HBS1L: variants seen among roughly 807,000 people sequenced by gnomAD.
HBS1L encodes HBS1 like translational GTPase, also known as HBS1-like protein.
HBS1L carries 55 observed loss-of-function variants against 88.9 expected under a neutral mutation model. The ratio of observed to expected loss-of-function variants is 0.62; its 90% confidence interval spans 0.50 to 0.77. The LOEUF (loss-of-function observed/expected upper bound fraction) is 0.77. Ranked by LOEUF, HBS1L falls within the 30% of genes least tolerant of loss-of-function variation. The pLI is 0.00. For missense variants in HBS1L, 741 were observed against 829.3 expected, an observed-to-expected ratio of 0.89 and a Z score of 1.31; for synonymous variants, 267 against 288.5, an observed-to-expected ratio of 0.93 and a Z score of 0.76.
intron 4 of HBS1L, among the ~76,000 whole-genome samples, chr6:135,019,437 C>CA (rs1472814481): frequency 6.6e-6 from 1 of 151,804 alleles, no homozygotes; most frequent in African/African-American, 2.4e-5. Context: ...GTTCTAGAAT[C>CA]AGAGATGATA....
intron 2 of HBS1L, among the ~76,000 whole-genome samples, chr6:135,049,808 GT>G (rs1163400940): frequency 6.6e-6 from 1 of 152,198 alleles, no homozygotes; most frequent in African/African-American, 2.4e-5. Flanking sequence ...CTGACCTCAG[GT>G]GATCCACCTG....
rs1363551441 is a variant in HBS1L at position 134,962,401 on chromosome 6, G to A, written c.*2878C>T. ...GCAGTTACCTTTAGGTGACAGAACTGTGGGTTAATTTTATTCTTCCCTATA... is the reference window on the plus strand; with the variant it reads ...GCAGTTACCTTTAGGTGACAGAACTATGGGTTAATTTTATTCTTCCCTATA... On this transcript the variant is annotated 3_prime_UTR_variant, in exon 18 of 18. Coordinates refer to ENST00000367837, the MANE Select transcript of HBS1L (RefSeq NM_006620.4). 1 of 152,156 alleles carries A rather than the reference G, an allele frequency of 6.6e-6. No homozygotes were observed. The highest frequency in any genetic ancestry group is 1.5e-5 in the Non-Finnish European group (1 of 68,028). The allele number at this position is 152,156 out of a possible 1,614,324, so 9.4% of individuals were successfully genotyped here.
rs551230842 is a variant in HBS1L at position 135,054,533 on chromosome 6, C to G, written c.43+116G>C. ...TGTTATATTCCCCAACTGGGGCTCT[C>G]CCAATCCCGACAGGGCAACACTGAC... On this transcript the variant is annotated intron_variant, in intron 1 of 17. Transcript: ENST00000367837. 231 of 1,227,850 alleles carry G rather than the reference C, an allele frequency of 1.9e-4. 1 individual carries two copies. The South Asian group carries it at 2.8e-3, about 15-fold the overall frequency. 76.1% of individuals were successfully genotyped at this position (1,227,850 alleles called of 1,614,324 possible). A position where few individuals can be genotyped will look rare whatever the true frequency, so the allele number is the denominator to read the frequency against.
intron 4 of HBS1L, among the ~76,000 whole-genome samples, chr6:135,031,732 C>T (rs1174075000): frequency 6.6e-6 from 1 of 151,984 alleles, no homozygotes; most frequent in Non-Finnish European, 1.5e-5. Flanking sequence ...CTTTGTTCAT[C>T]TTGGGTTATA....
chr6:134,969,166 T>G lies in HBS1L; in HGVS notation c.1898+72A>C, dbSNP rs867005919. 1.0e-5 allele frequency: 10 copies of G among 974,534 alleles called. No individual in the cohort carries two copies. The African/African-American group carries it at 1.4e-4, about 14-fold the overall frequency. The allele number at this position is 974,534 out of a possible 1,614,324, so 60.4% of individuals were successfully genotyped here. On this transcript the variant is annotated intron_variant, in intron 16 of 17. Coordinates refer to ENST00000367837, the MANE Select transcript of HBS1L (RefSeq NM_006620.4). ...TTTCACTTACCACAAAGAGAAATAC[T>G]ACACAAATGAGTTAATCTTTAAAAA... is the stretch of plus-strand genomic sequence containing the variant.
At chr6:135,039,460 G>A (rs2114902494) in intron 4 of HBS1L, 113 bp downstream of exon 4, 1 of 872,880 alleles carries the variant, frequency 1.1e-6, no homozygotes, top group South Asian at 1.7e-5. Flanking sequence ...TAACATGCAA[G>A]ATTTTAATAG....
In HBS1L at chr6:134,979,354, T is replaced by G. The variant is rs562053888; in HGVS notation, c.1598-86A>C. 9.9e-6 allele frequency: 9 copies of G among 909,846 alleles called. No individual in the cohort carries two copies. The East Asian group carries it at 2.2e-4, about 23-fold the overall frequency. The allele number at this position is 909,846 out of a possible 1,614,324, so 56.4% of individuals were successfully genotyped here. The stretch of plus-strand genomic sequence containing the variant: ...CAACAGAGTTTGGCTGATTTGTGCT[T>G]CATCAGTCACTACTCATCATTTTCA... On this transcript the variant is annotated intron_variant, in intron 13 of 17. Transcript: ENST00000367837.
Position 135,013,522 on chromosome 6 carries a change from T to C in HBS1L, c.431-10680A>G, listed in dbSNP as rs950592272. On this transcript the variant is annotated intron_variant, in intron 4 of 17. Transcript: ENST00000367837. ...TAATATTTCACTTGATCTTGAAACATAAGAGCCACTGAAGGAATTTAAGCG... is the reference window on the plus strand; with the variant it reads ...TAATATTTCACTTGATCTTGAAACACAAGAGCCACTGAAGGAATTTAAGCG... Among the ~76,000 whole-genome samples, 6 of 152,306 alleles carry C rather than the reference T, an allele frequency of 3.9e-5. No homozygotes were observed. The East Asian group carries it at 1.2e-3, about 29-fold the overall frequency.
At chr6:134,980,381 C>T (rs1401159511) in intron 13 of HBS1L, among the ~76,000 whole-genome samples, 2 of 151,938 alleles carry the variant, frequency 1.3e-5, no homozygotes, top group Non-Finnish European at 2.9e-5. Flanking sequence ...AGAGATTCTT[C>T]CTCCCAAACA....
At chr6:135,016,875 A>G (rs189781456) in intron 4 of HBS1L, among the ~76,000 whole-genome samples, 41 of 151,786 alleles carry the variant, frequency 2.7e-4, no homozygotes, top group African/African-American at 9.2e-4. Flanking sequence ...TCAGCTTGGG[A>G]GGAACAGGTA....
intron 4 of HBS1L, chr6:135,037,570 T>A (rs1176667472): frequency 6.5e-7 from 1 of 1,549,650 alleles, no homozygotes; most frequent in South Asian, 1.2e-5. Flanking sequence ...ATATAAAGAA[T>A]TATTCGGTGT....
chr6:134,985,653 G>A (rs1377030275), intron 11 of HBS1L, among the ~76,000 whole-genome samples: 1 of 151,976 alleles, frequency 6.6e-6, no homozygotes, highest in African/African-American at 2.4e-5. Flanking sequence ...ATGCTCATTG[G>A]AGCATTTTGG....
chr6:134,980,157 T>C (rs1455665856), intron 13 of HBS1L, among the ~76,000 whole-genome samples: 5 of 152,036 alleles, frequency 3.3e-5, no homozygotes, highest in Non-Finnish European at 5.9e-5. Context: ...TAGTTCTTGA[T>C]TGACACATTG....
At chr6:135,005,980 G>C (rs1775600022) in intron 4 of HBS1L, among the ~76,000 whole-genome samples, 1 of 152,142 alleles carries the variant, frequency 6.6e-6, no homozygotes, top group Non-Finnish European at 1.5e-5. Context: ...AAAATTAGAG[G>C]AATTGTTGGA....
At chr6:134,993,288 T>G (rs1039795840) in intron 8 of HBS1L, among the ~76,000 whole-genome samples, 1 of 152,182 alleles carries the variant, frequency 6.6e-6, no homozygotes, top group East Asian at 1.9e-4. Context: ...TTAAGAATCA[T>G]GTAATTTACA....
intron 14 of HBS1L, 146 bp from the exon 15 acceptor site, chr6:134,978,933 G>C: frequency 1.6e-6 from 1 of 625,470 alleles, no homozygotes; most frequent in East Asian, 2.7e-5. Flanking sequence ...GCTAAAGCAT[G>C]ACTTTAAACC....
intron 4 of HBS1L, among the ~76,000 whole-genome samples, chr6:135,018,884 C>A (rs73774537): frequency 0.036 from 5,458 of 151,894 alleles, 338 homozygotes; most frequent in African/African-American, 0.12. Flanking sequence ...TCATTTATAT[C>A]CCCATCCCTG....
chr6:135,008,785 CTCAT>C (rs1775683543), intron 4 of HBS1L, among the ~76,000 whole-genome samples: 1 of 152,008 alleles, frequency 6.6e-6, no homozygotes, highest in Non-Finnish European at 1.5e-5. Flanking sequence ...TTTAAGCACA[CTCAT>C]TATCAGAATA....
chr6:134,988,694 C>A (rs1775049576), intron 8 of HBS1L, among the ~76,000 whole-genome samples: 1 of 152,120 alleles, frequency 6.6e-6, no homozygotes, highest in Admixed American at 6.6e-5. Flanking sequence ...CGGTGAGAAG[C>A]GCATCCTCAA....
Sources: allele counts gnomAD v4.1 joint callset (sites outside exome capture counted in the v4.1 genomes callset), GRCh38; gene constraint gnomAD v4.1.1; transcripts MANE v1.5; gene names NCBI Gene and HGNC (gene_info 2026-07-23, HGNC 2026-07-21).